The following ATP10B variants were observed in gnomAD, a reference collection of about 807,000 sequenced individuals.
ATP10B encodes ATPase phospholipid transporting 10B (putative).
A neutral mutation model predicts 141.2 loss-of-function variants in ATP10B; 122 were observed. The ratio of observed to expected loss-of-function variants is 0.86; its 90% confidence interval spans 0.75 to 1.00. ATP10B has a LOEUF of 1.00. Among genes scored for constraint, ATP10B ranks in the 50% least tolerant of loss-of-function variants. The pLI, the probability that ATP10B is intolerant of heterozygous loss-of-function variation, is 0.00. For synonymous variants in ATP10B, 685 were observed against 692.0 expected (o/e 0.99, Z 0.16); for missense variants, 1,876 against 1,825.3 (o/e 1.03, Z -0.51).
rs183244818 is a variant in ATP10B at position 160,826,628 on chromosome 5, G to A, written c.-576+25313C>T. 6.0e-3 allele frequency among the ~76,000 whole-genome samples: 913 copies of A among 152,158 alleles called. 13 individuals are homozygous for A. Among genetic ancestry groups the A allele is most frequent in the African/African-American group, 0.021 (870 of 41,502 alleles). The stretch of plus-strand genomic sequence containing the variant: ...AAGGTCTGACTGCCTGCAGGGTAGG[G>A]CAAAAAGAGCCATATTTTTCTTCTT... On this transcript the variant is annotated intron_variant, in intron 1 of 25. Transcript: ENST00000327245.
chr5:160,886,622 T>C, the ATP10B span, among the ~76,000 whole-genome samples: 17,450 of 152,240 alleles, frequency 0.11, 1,189 homozygotes, highest in East Asian at 0.18. Flanking sequence ...CTTTAGGATC[T>C]AGACGCAAGA....
At chr5:160,778,501 G>A (rs1770494515) in intron 2 of ATP10B, among the ~76,000 whole-genome samples, 1 of 152,096 alleles carries the variant, frequency 6.6e-6, no homozygotes, top group Non-Finnish European at 1.5e-5. Flanking sequence ...TCTTTTTTAA[G>A]TATCTGGGCA....
At chr5:160,824,673 T>C (rs775046821) in intron 1 of ATP10B, among the ~76,000 whole-genome samples, 39 of 150,840 alleles carry the variant, frequency 2.6e-4, no homozygotes, top group Non-Finnish European at 2.9e-5. Flanking sequence ...CGTAGGCCAC[T>C]GTAACATAAT....
chr5:160,867,475 A>G, the ATP10B span, among the ~76,000 whole-genome samples: 1 of 152,178 alleles, frequency 6.6e-6, no homozygotes, highest in African/African-American at 2.4e-5. Flanking sequence ...GAACACACAC[A>G]GAAATGGGGC....
At chr5:160,698,933 A>G (rs993530906) in intron 3 of ATP10B, among the ~76,000 whole-genome samples, 6 of 152,222 alleles carry the variant, frequency 3.9e-5, no homozygotes, top group Non-Finnish European at 5.9e-5. Context: ...TCTCATCCCC[A>G]TGTCAGACCC....
At chr5:160,898,449 C>G in the ATP10B span, among the ~76,000 whole-genome samples, 40 of 152,244 alleles carry the variant, frequency 2.6e-4, no homozygotes, top group Middle Eastern at 3.4e-3. Flanking sequence ...AATGAGATAC[C>G]ATCTCACATC....
At chr5:160,609,534 A>G (rs900085449) in intron 18 of ATP10B, among the ~76,000 whole-genome samples, 1 of 152,008 alleles carries the variant, frequency 6.6e-6, no homozygotes, top group Non-Finnish European at 1.5e-5. Context: ...ATGCGCCACC[A>G]CACCTGGCTA....
chr5:160,818,140 T>C (rs1424755568), intron 1 of ATP10B, among the ~76,000 whole-genome samples: 1 of 152,100 alleles, frequency 6.6e-6, no homozygotes, highest in African/African-American at 2.4e-5. Flanking sequence ...AAAGCCAAAA[T>C]TGACAAATGG....
At chr5:160,817,062 A>C (rs747724097) in intron 1 of ATP10B, among the ~76,000 whole-genome samples, 1 of 152,210 alleles carries the variant, frequency 6.6e-6, no homozygotes, top group African/African-American at 2.4e-5. Flanking sequence ...AATGGGCAAA[A>C]ACTGGAAGCA....
chr5:160,911,144 T>G, the ATP10B span, among the ~76,000 whole-genome samples: 1 of 152,370 alleles, frequency 6.6e-6, no homozygotes, highest in South Asian at 2.1e-4. Context: ...TTTCAAACTA[T>G]TGTTTCTTCT....
intron 24 of ATP10B, among the ~76,000 whole-genome samples, chr5:160,587,195 C>A (rs1409774143): frequency 6.6e-6 from 1 of 152,044 alleles, no homozygotes; most frequent in East Asian, 1.9e-4. Flanking sequence ...TTTCCCAGTA[C>A]CATTTATTAA....
chr5:160,870,957 C>G, the ATP10B span, among the ~76,000 whole-genome samples: 1 of 24,698 alleles, frequency 4.0e-5, no homozygotes, highest in Non-Finnish European at 1.3e-4. Flanking sequence ...AACCAACAAC[C>G]TACAATTCTG....
chr5:160,593,977 CAGG>C (rs1756506025), intron 22 of ATP10B, among the ~76,000 whole-genome samples: 1 of 152,118 alleles, frequency 6.6e-6, no homozygotes, highest in African/African-American at 2.4e-5. Flanking sequence ...GGATATTATC[CAGG>C]AGAACTTCCC....
the ATP10B span, among the ~76,000 whole-genome samples, chr5:160,909,270 G>C: frequency 3.9e-5 from 6 of 152,136 alleles, no homozygotes; most frequent in Non-Finnish European, 5.9e-5. Context: ...TGGAAGGTAA[G>C]ACACAGCCAA....
rs189664392 is a variant in ATP10B, at chr5:160,792,485, C to T, written c.-575-6682G>A. On this transcript the variant is annotated intron_variant, in intron 1 of 25. Coordinates refer to ENST00000327245, the MANE Select transcript of ATP10B (RefSeq NM_025153.3). Reference sequence around the variant, plus strand: ...TTAGGGCCACTGGAATATGAGCAGGCATGGTATTTGCAGGTTCTGAGTCAC... The same window carrying T: ...TTAGGGCCACTGGAATATGAGCAGGTATGGTATTTGCAGGTTCTGAGTCAC... Among the ~76,000 whole-genome samples, 106 of 152,264 alleles carry T rather than the reference C, an allele frequency of 7.0e-4. 1 individual carries two copies. The highest frequency in any genetic ancestry group is 2.5e-3 in the African/African-American group (103 of 41,558).
At chr5:160,602,535 C>G (rs1311526835) in intron 21 of ATP10B, 42 bp downstream of exon 21, 4 of 1,611,380 alleles carry the variant, frequency 2.5e-6, no homozygotes, top group Non-Finnish European at 3.4e-6. Context: ...CGTGGCAAGG[C>G]CTGCCAAAGC....
At chr5:160,856,337 A>G (rs943707050), upstream of ATP10B, among the ~76,000 whole-genome samples, 1 of 151,704 alleles carries the variant, frequency 6.6e-6, no homozygotes, top group Non-Finnish European at 1.5e-5. Flanking sequence ...AAATAGAATA[A>G]ATTTCTGTAT....
the ATP10B span, among the ~76,000 whole-genome samples, chr5:160,928,937 G>A: frequency 6.6e-6 from 1 of 152,194 alleles, no homozygotes. Context: ...CGACCACATA[G>A]AGCTATCACC....
intron 9 of ATP10B, 27 bp from the exon 10 acceptor site, chr5:160,640,619 C>A: frequency 6.2e-7 from 1 of 1,612,732 alleles, no homozygotes; most frequent in Non-Finnish European, 8.5e-7. Flanking sequence ...GGAAATCAGT[C>A]CCTTAGTTCC....
Sources: allele counts gnomAD v4.1 joint callset (sites outside exome capture counted in the v4.1 genomes callset), GRCh38; gene constraint gnomAD v4.1.1; transcripts MANE v1.5; gene names NCBI Gene and HGNC (gene_info 2026-07-23, HGNC 2026-07-21).